The following MAPK10 variants were observed in gnomAD, a reference collection of about 807,000 sequenced individuals.
MAPK10 encodes the protein JNK3 alpha protein kinase.
Under a neutral mutation model 59.3 loss-of-function variants are expected in MAPK10, and 25 were observed. That is an observed-to-expected ratio of 0.42 (90% CI 0.31 to 0.59). MAPK10 has a LOEUF of 0.59. Among genes scored for constraint, MAPK10 ranks in the 20% least tolerant of loss-of-function variants. MAPK10 has a pLI of 0.15. For missense variants in MAPK10, 351 were observed against 568.9 expected (o/e 0.62, Z 3.90); for synonymous variants, 190 against 200.5 (o/e 0.95, Z 0.44).
At chr4:86,133,702 T>C (rs569683510) in intron 4 of MAPK10, among the ~76,000 whole-genome samples, 4 of 152,348 alleles carry the variant, frequency 2.6e-5, no homozygotes, top group Admixed American at 2.6e-4. Flanking sequence ...GGCTCAGATT[T>C]TGGGTGTTGA....
At chr4:86,343,634 C>T (rs1312049980) in intron 2 of MAPK10, among the ~76,000 whole-genome samples, 2 of 152,060 alleles carry the variant, frequency 1.3e-5, no homozygotes, top group Non-Finnish European at 2.9e-5. Flanking sequence ...TCATGTGGCC[C>T]CCAAATTAGT....
chr4:86,479,711 C>G (rs1481612620), intron 1 of MAPK10, among the ~76,000 whole-genome samples: 1 of 152,136 alleles, frequency 6.6e-6, no homozygotes, highest in East Asian at 1.9e-4. Flanking sequence ...CTTAGGCACT[C>G]TCTAGTTAGA....
intron 9 of MAPK10, among the ~76,000 whole-genome samples, chr4:86,093,243 C>G (rs1445081379): frequency 6.6e-6 from 1 of 151,910 alleles, no homozygotes; most frequent in Non-Finnish European, 1.5e-5. Context: ...AATGTTTCCT[C>G]TCTGGGGGAT....
intron 4 of MAPK10, among the ~76,000 whole-genome samples, chr4:86,127,030 T>G (rs534683948): frequency 3.7e-4 from 56 of 151,992 alleles, no homozygotes; most frequent in Non-Finnish European, 6.2e-4. Context: ...AATCCATACC[T>G]CATCATCCTC....
At chr4:86,530,355 TA>T (rs1757768878) in intron 1 of MAPK10, among the ~76,000 whole-genome samples, 5 of 152,324 alleles carry the variant, frequency 3.3e-5, no homozygotes, top group Admixed American at 2.6e-4. Flanking sequence ...AGACTTTCAA[TA>T]AATATCTATT....
At chr4:86,470,001 G>T (rs551626214) in intron 1 of MAPK10, among the ~76,000 whole-genome samples, 1 of 152,320 alleles carries the variant, frequency 6.6e-6, no homozygotes, top group African/African-American at 2.4e-5. Flanking sequence ...TTCTGGAATA[G>T]CAAAAGAAAA....
At chr4:86,175,464 G>C (rs554100247) in intron 3 of MAPK10, among the ~76,000 whole-genome samples, 2 of 152,226 alleles carry the variant, frequency 1.3e-5, no homozygotes, top group Non-Finnish European at 1.5e-5. Context: ...GGCCTGGTGG[G>C]AGATGACTGG....
At chr4:86,096,045 A>T (rs1286949001) in intron 9 of MAPK10, among the ~76,000 whole-genome samples, 1 of 151,694 alleles carries the variant, frequency 6.6e-6, no homozygotes, top group Non-Finnish European at 1.5e-5. Flanking sequence ...ATGCAGGGTC[A>T]TTATCACATA....
intron 11 of MAPK10, 120 bp from the exon 12 acceptor site, chr4:86,031,551 T>C (rs1241401095): frequency 1.5e-6 from 1 of 679,456 alleles, no homozygotes; most frequent in East Asian, 2.7e-5. Flanking sequence ...ATATAAGTTA[T>C]GAGGAAATTA....
upstream of MAPK10, among the ~76,000 whole-genome samples, chr4:86,364,938 C>T (rs115985684): frequency 0.014 from 2,172 of 152,230 alleles, 59 homozygotes; most frequent in African/African-American, 0.049. Flanking sequence ...CAAGATCACA[C>T]CACTGCACTC....
intron 1 of MAPK10, among the ~76,000 whole-genome samples, chr4:86,497,211 T>C (rs983340000): frequency 6.6e-6 from 1 of 152,234 alleles, no homozygotes; most frequent in Admixed American, 6.5e-5. Flanking sequence ...GTTCTACTGA[T>C]GAGGCTATTG....
chr4:86,143,318 C>T (rs776206803), intron 4 of MAPK10, among the ~76,000 whole-genome samples: 7 of 152,286 alleles, frequency 4.6e-5, no homozygotes, highest in Middle Eastern at 3.4e-3. Flanking sequence ...GGTGGAGACA[C>T]AGCTAAACCA....
intron 9 of MAPK10, among the ~76,000 whole-genome samples, chr4:86,087,514 G>C (rs1184737019): frequency 1.3e-5 from 2 of 152,030 alleles, no homozygotes; most frequent in Non-Finnish European, 2.9e-5. Context: ...GTTTCAAATA[G>C]CATTAATGTT....
At chr4:86,352,113 T>G (rs1279918355) in intron 2 of MAPK10, 1 of 152,138 alleles carries the variant, frequency 6.6e-6, no homozygotes, top group Non-Finnish European at 1.5e-5. Context: ...TTGATGCAAC[T>G]GATTGGGGAA....
intron 1 of MAPK10, among the ~76,000 whole-genome samples, chr4:86,477,688 C>T (rs1370740554): frequency 6.6e-6 from 1 of 152,162 alleles, no homozygotes; most frequent in Non-Finnish European, 1.5e-5. Context: ...TTTACCTGTC[C>T]AAAAACCTGA....
At chr4:86,251,177 T>C (rs1441994865) in intron 2 of MAPK10, among the ~76,000 whole-genome samples, 1 of 151,868 alleles carries the variant, frequency 6.6e-6, no homozygotes, top group Non-Finnish European at 1.5e-5. Context: ...TTTATTTTAT[T>C]TATTTTTTTA....
intron 1 of MAPK10, among the ~76,000 whole-genome samples, chr4:86,486,978 C>G (rs1359305551): frequency 2.6e-5 from 4 of 151,968 alleles, no homozygotes; most frequent in Non-Finnish European, 5.9e-5. Flanking sequence ...TCAGACAAAC[C>G]CAAAGTGATG....
chr4:86,121,017 T>A (rs928920980), intron 4 of MAPK10, among the ~76,000 whole-genome samples: 3 of 152,222 alleles, frequency 2.0e-5, no homozygotes, highest in African/African-American at 7.2e-5. Flanking sequence ...CTATTTCTTA[T>A]ATATTCTTGG....
chr4:86,518,767 T>C (rs1756901396), intron 1 of MAPK10, among the ~76,000 whole-genome samples: 1 of 152,176 alleles, frequency 6.6e-6, no homozygotes, highest in Admixed American at 6.5e-5. Context: ...TGAACTTTCC[T>C]CTTAGCATCA....
Sources: allele counts gnomAD v4.1 joint callset (sites outside exome capture counted in the v4.1 genomes callset), GRCh38; gene constraint gnomAD v4.1.1; transcripts MANE v1.5; gene names NCBI Gene and HGNC (gene_info 2026-07-23, HGNC 2026-07-21).